The following PCDH15 variants were observed in gnomAD, a reference collection of about 807,000 sequenced individuals.
PCDH15 encodes the protein protocadherin related 15, also known as protocadherin-15.
Under a neutral mutation model 178.5 loss-of-function variants are expected in PCDH15, and 129 were observed. The ratio of observed to expected loss-of-function variants is 0.72; its 90% CI spans 0.63 to 0.84. The LOEUF (loss-of-function observed/expected upper bound fraction) is 0.84. Ranked by LOEUF, PCDH15 falls within the 40% of genes least tolerant of loss-of-function variation. PCDH15 has a pLI of 0.00. For synonymous variants in PCDH15, 800 were observed against 732.0 expected (o/e 1.09, Z -1.50); for missense variants, 2,230 against 2,099.9 (o/e 1.06, Z -1.21).
chr10:54,089,692 T>C (rs2094568650), intron 16 of PCDH15, among the ~76,000 whole-genome samples: 1 of 152,206 alleles, frequency 6.6e-6, no homozygotes, highest in African/African-American at 2.4e-5. Flanking sequence ...AATGTCCTTG[T>C]CATTATCAGT....
intron 2 of PCDH15, chr10:54,606,734 A>G (rs2092757465): frequency 1.3e-5 from 2 of 152,094 alleles, no homozygotes; most frequent in South Asian, 2.1e-4. Context: ...TTCAGATATC[A>G]TAAAAGATAA....
intron 8 of PCDH15, among the ~76,000 whole-genome samples, chr10:54,307,092 ATGTGTGTGTGTG>A (rs1209050345): frequency 5.4e-5 from 1 of 18,370 alleles, no homozygotes; most frequent in South Asian, 3.5e-3. Context: ...ATATATATAT[ATGTGTGTGTGTG>A]TATATATATA....
chr10:55,272,842 C>T (rs1045434488), intron 1 of PCDH15, among the ~76,000 whole-genome samples: 1 of 151,982 alleles, frequency 6.6e-6, no homozygotes, highest in African/African-American at 2.4e-5. Flanking sequence ...CCTTCTCCCC[C>T]CAGCCTGTCT....
chr10:55,098,138 A>C (rs1438300510), intron 2 of PCDH15, among the ~76,000 whole-genome samples: 1 of 152,176 alleles, frequency 6.6e-6, no homozygotes, highest in Admixed American at 6.5e-5. Context: ...AGTCATATAT[A>C]GAATTTACAG....
At chr10:55,545,109 G>T (rs1201557797) in intron 2 of PCDH15, among the ~76,000 whole-genome samples, 2 of 151,978 alleles carry the variant, frequency 1.3e-5, no homozygotes, top group Middle Eastern at 3.2e-3. Flanking sequence ...AGGCAAAAGG[G>T]GTCCAAGGAA....
intron 11 of PCDH15, among the ~76,000 whole-genome samples, chr10:54,191,826 T>C (rs1591067406): frequency 6.7e-6 from 1 of 148,832 alleles, no homozygotes; most frequent in Admixed American, 6.7e-5. Flanking sequence ...GAGGCTGTTG[T>C]GGGAGAATCA....
intron 2 of PCDH15, among the ~76,000 whole-genome samples, chr10:55,093,108 T>C (rs1842357136): frequency 6.6e-6 from 1 of 152,022 alleles, no homozygotes; most frequent in South Asian, 2.1e-4. Context: ...ATGTAAAAAA[T>C]ATGAAATACT....
chr10:54,025,772 C>A (rs534971389), intron 18 of PCDH15, among the ~76,000 whole-genome samples: 1 of 152,268 alleles, frequency 6.6e-6, no homozygotes, highest in Admixed American at 6.5e-5. Flanking sequence ...GCTGGGATTA[C>A]AGGCGTGAGC....
chr10:54,066,902 A>G lies in PCDH15; in HGVS notation c.2092-17T>C. On this transcript the variant is annotated splice_polypyrimidine_tract_variant and intron_variant, in intron 17 of 37. Transcript: ENST00000644397. ...AGTTGAGGTCTTAAAGAAAAACACAAGCATTAAATGTGAGAGGAGCTATTT... is the reference window on the plus strand; with the variant it reads ...AGTTGAGGTCTTAAAGAAAAACACAGGCATTAAATGTGAGAGGAGCTATTT... 6.2e-7 allele frequency: 1 copy of G among 1,612,086 alleles called. No individual in the cohort carries two copies. The highest frequency in any genetic ancestry group is 2.2e-5 in the East Asian group (1 of 44,764).
In PCDH15 at chr10:55,369,774, A is replaced by G. The variant is rs546486171; in HGVS notation, c.-155-203123T>C. 7.9e-5 allele frequency among the ~76,000 whole-genome samples: 12 copies of G among 152,150 alleles called. No homozygotes were observed. The South Asian group carries it at 2.1e-3, about 26-fold the overall frequency. ...ATTCAACAGTCATGCCTCATAACCC[A>G]GAATAAACATGTAATTGGTCAGCCA... On this transcript the variant is annotated intron_variant, in intron 2 of 5. Transcript: ENST00000613346.
At chr10:54,251,151 C>A (rs1231217327) in intron 8 of PCDH15, among the ~76,000 whole-genome samples, 2 of 152,068 alleles carry the variant, frequency 1.3e-5, no homozygotes, top group Non-Finnish European at 2.9e-5. Flanking sequence ...CAAACTTTTT[C>A]TTTCAATGCA....
chr10:55,431,444 C>T (rs139314364), intron 2 of PCDH15, among the ~76,000 whole-genome samples: 162 of 152,184 alleles, frequency 1.1e-3, no homozygotes, highest in African/African-American at 3.6e-3. Flanking sequence ...TTAAAAATTA[C>T]ATCTGTGAGC....
intron 18 of PCDH15, among the ~76,000 whole-genome samples, chr10:54,044,542 T>G (rs1328787556): frequency 6.6e-6 from 1 of 152,084 alleles, no homozygotes; most frequent in Admixed American, 6.6e-5. Context: ...AAACTTGTGT[T>G]CCTTAGTGTC....
intron 2 of PCDH15, among the ~76,000 whole-genome samples, chr10:54,969,870 A>G (rs1011960088): frequency 2.0e-5 from 3 of 152,206 alleles, no homozygotes; most frequent in Non-Finnish European, 2.9e-5. Flanking sequence ...ATAGGAAAAT[A>G]TAGACTCTAT....
intron 1 of PCDH15, among the ~76,000 whole-genome samples, chr10:55,288,845 C>T (rs1842938085): frequency 6.6e-6 from 1 of 150,378 alleles, no homozygotes; most frequent in Admixed American, 6.6e-5. Context: ...GCTATTTCTT[C>T]CAGCTTATGA....
At chr10:54,379,751 G>C (rs966675571) in intron 3 of PCDH15, among the ~76,000 whole-genome samples, 2 of 151,952 alleles carry the variant, frequency 1.3e-5, no homozygotes. Context: ...TGATCTCTTT[G>C]CCAAATAATA....
intron 1 of PCDH15, among the ~76,000 whole-genome samples, chr10:54,682,665 G>A (rs1486062902): frequency 1.3e-5 from 2 of 151,910 alleles, no homozygotes; most frequent in Non-Finnish European, 2.9e-5. Context: ...GTCTCAGAGA[G>A]CCCTTTATTT....
chr10:54,856,420 T>C (rs1180431905), intron 3 of PCDH15, among the ~76,000 whole-genome samples: 2 of 152,198 alleles, frequency 1.3e-5, no homozygotes. Context: ...CTGTGTAGAA[T>C]GTAATCAAAG....
Position 54,039,997 on chromosome 10 carries a change from C to T in PCDH15, c.2221-16800G>A, listed in dbSNP as rs143243015. Among the ~76,000 whole-genome samples the T allele has an allele frequency of 1.8e-3, 272 of 152,108 alleles. 2 individuals are homozygous for T. Among genetic ancestry groups the T allele is most frequent in the African/African-American group, 6.3e-3 (263 of 41,520 alleles). ...GGCAGTGGGTGGGGGAAGAAAAGGA[C>T]AACATATATATCCATTGCACTCATT... On this transcript the variant is annotated intron_variant, in intron 18 of 37. Coordinates refer to ENST00000644397, the MANE Select transcript of PCDH15 (RefSeq NM_001384140.1).
Sources: gnomAD v4.1 joint callset for allele counts (sites outside exome capture counted in the v4.1 genomes callset) on GRCh38, gnomAD v4.1.1 for gene constraint, MANE v1.5 for transcripts, NCBI Gene and HGNC (gene_info 2026-07-23, HGNC 2026-07-21) for gene names.